Variants in GPD2 observed in about 807,000 individuals in gnomAD.
GPD2 encodes glycerol-3-phosphate dehydrogenase, mitochondrial.
Under a neutral mutation model 82.4 loss-of-function variants are expected in GPD2, and 54 were observed. That is an observed-to-expected ratio of 0.66 (90% CI 0.53 to 0.82). The LOEUF is 0.82. Among genes scored for constraint, GPD2 ranks in the 40% least tolerant of loss-of-function variants. The probability of loss-of-function intolerance (pLI) is 0.00; values close to 1 mark genes in which losing one functional copy is unlikely to be tolerated. For missense variants in GPD2, 748 were observed against 896.2 expected (o/e 0.83, Z 2.11); for synonymous variants, 288 against 306.1 (o/e 0.94, Z 0.62).
At chr2:156,494,966 A>T (rs1208368542) in intron 2 of GPD2, among the ~76,000 whole-genome samples, 1 of 152,218 alleles carries the variant, frequency 6.6e-6, no homozygotes, top group African/African-American at 2.4e-5. Flanking sequence ...ACATTCTTTA[A>T]GAAACTAGAA....
chr2:156,413,492 G>A, the GPD2 span, among the ~76,000 whole-genome samples: 2 of 151,988 alleles, frequency 1.3e-5, no homozygotes, highest in South Asian at 4.2e-4. Flanking sequence ...GCTGAGGCAG[G>A]AGAATCACTT....
chr2:156,516,337 G>A (rs907620096), intron 6 of GPD2, among the ~76,000 whole-genome samples: 7 of 152,174 alleles, frequency 4.6e-5, no homozygotes, highest in Non-Finnish European at 1.0e-4. Context: ...ATTAAAATTA[G>A]CCATTTTAAA....
At chr2:156,448,197 C>T (rs1682435945) in intron 1 of GPD2, among the ~76,000 whole-genome samples, 1 of 152,008 alleles carries the variant, frequency 6.6e-6, no homozygotes, top group African/African-American at 2.4e-5. Flanking sequence ...CAACCTCCGC[C>T]TCCCAGGTAC....
chr2:156,404,686 C>CAAAAA, the GPD2 span, among the ~76,000 whole-genome samples: 111 of 64,354 alleles, frequency 1.7e-3, 1 homozygote, highest in African/African-American at 5.0e-3. Context: ...TTAAAAATAC[C>CAAAAA]AAAAAAAAAA....
intron 6 of GPD2, among the ~76,000 whole-genome samples, chr2:156,544,334 G>A (rs1686444014): frequency 6.6e-6 from 1 of 152,140 alleles, no homozygotes; most frequent in South Asian, 2.1e-4. Flanking sequence ...ACATACAAGT[G>A]TTCTTTTGAG....
At chr2:156,475,123 A>G (rs1048708585) in intron 1 of GPD2, among the ~76,000 whole-genome samples, 3 of 152,060 alleles carry the variant, frequency 2.0e-5, no homozygotes, top group Non-Finnish European at 4.4e-5. Context: ...AAAAAGAGAG[A>G]AAGAAAAAAA....
the GPD2 span, among the ~76,000 whole-genome samples, chr2:156,429,376 CT>C: frequency 7.9e-5 from 12 of 152,342 alleles, no homozygotes; most frequent in East Asian, 2.3e-3. Flanking sequence ...GACATTTCTG[CT>C]TACCCACACT....
At chr2:156,513,286 T>C (rs771323517) in intron 5 of GPD2, 47 bp from the exon 6 acceptor site, 1 of 1,291,678 alleles carries the variant, frequency 7.7e-7, no homozygotes, top group South Asian at 1.2e-5. Context: ...TATTCTATAA[T>C]GCTATACTCT....
chr2:156,411,507 G>A, the GPD2 span, among the ~76,000 whole-genome samples: 1 of 151,864 alleles, frequency 6.6e-6, no homozygotes, highest in South Asian at 2.1e-4. Context: ...GTAGAGACAG[G>A]GTTTTACAAT....
intron 4 of GPD2, 103 bp from the exon 5 acceptor site, chr2:156,512,117 A>G (rs1179946600): frequency 1.3e-6 from 1 of 749,784 alleles, no homozygotes; most frequent in African/African-American, 1.7e-5. Context: ...ACTCAGAGAT[A>G]GAAGGTTTCT....
chr2:156,544,972 CT>C (rs1424995927), intron 6 of GPD2, among the ~76,000 whole-genome samples: 1 of 152,204 alleles, frequency 6.6e-6, no homozygotes, highest in Non-Finnish European at 1.5e-5. Flanking sequence ...TGAAAATTGC[CT>C]TGTTATCACA....
At chr2:156,570,775 G>A (rs76691866) in intron 12 of GPD2, among the ~76,000 whole-genome samples, 5,147 of 152,226 alleles carry the variant, frequency 0.034, 299 homozygotes, top group African/African-American at 0.12. Context: ...TTTGACACTC[G>A]TCCTTTTCCT....
At chr2:156,459,686 CAA>C (rs564494059) in intron 1 of GPD2, among the ~76,000 whole-genome samples, 24 of 38,774 alleles carry the variant, frequency 6.2e-4, no homozygotes, top group South Asian at 6.0e-3. Flanking sequence ...GACTCCGTCT[CAA>C]AAAAAAAAAA....
chr2:156,401,213 A>C, the GPD2 span, among the ~76,000 whole-genome samples: 1 of 152,182 alleles, frequency 6.6e-6, no homozygotes. Context: ...CTGAACCACC[A>C]ATGCTTATAG....
intron 2 of GPD2, among the ~76,000 whole-genome samples, chr2:156,488,048 A>G (rs1684010650): frequency 6.6e-6 from 1 of 152,126 alleles, no homozygotes. Flanking sequence ...GGGGAACTAG[A>G]CCTTCATTCT....
chr2:156,426,372 A>C, the GPD2 span, among the ~76,000 whole-genome samples: 1 of 152,228 alleles, frequency 6.6e-6, no homozygotes, highest in East Asian at 1.9e-4. Context: ...TGCCCAGCAA[A>C]GGGGTAAGAG....
intron 1 of GPD2, among the ~76,000 whole-genome samples, chr2:156,453,781 G>A (rs1270602397): frequency 1.3e-5 from 2 of 152,194 alleles, no homozygotes; most frequent in African/African-American, 2.4e-5. Context: ...GGAGGCTGAG[G>A]CAGGAGAATC....
intron 13 of GPD2, among the ~76,000 whole-genome samples, chr2:156,574,657 G>A (rs1180887881): frequency 6.6e-6 from 1 of 152,024 alleles, no homozygotes; most frequent in Non-Finnish European, 1.5e-5. Flanking sequence ...GACTTTGAGT[G>A]GCTGATTAAA....
At position 156,586,047 on chromosome 2, in the gene GPD2, A is replaced by G. The variant is rs562887191; in HGVS notation, c.*3129A>G. Reference sequence around the variant, plus strand: ...ATTATTTATTACTTTTGATACACAGAATGAGCTGCATGCATTTATAGAGCA... The same window carrying G: ...ATTATTTATTACTTTTGATACACAGGATGAGCTGCATGCATTTATAGAGCA... On this transcript the variant is annotated 3_prime_UTR_variant, in exon 17 of 17. Coordinates refer to ENST00000438166, the MANE Select transcript of GPD2 (RefSeq NM_000408.5). 2 of 152,532 alleles carry G rather than the reference A, an allele frequency of 1.3e-5. No individual in the cohort carries two copies. Among genetic ancestry groups the G allele is most frequent in the Non-Finnish European group, 2.9e-5 (2 of 67,948 alleles). 9.4% of individuals were successfully genotyped at this position (152,532 alleles called of 1,614,324 possible).
Sources: allele counts gnomAD v4.1 joint callset (sites outside exome capture counted in the v4.1 genomes callset), GRCh38; gene constraint gnomAD v4.1.1; transcripts MANE v1.5; gene names NCBI Gene and HGNC (gene_info 2026-07-23, HGNC 2026-07-21).